Variants in MAGI2 observed in about 807,000 individuals in gnomAD.
MAGI2 encodes the protein membrane-associated guanylate kinase, WW and PDZ domain-containing protein 2.
Under a neutral mutation model 133.3 loss-of-function variants are expected in MAGI2, and 35 were observed. The observed-to-expected ratio is 0.26, with a 90% CI of 0.20 to 0.35. The LOEUF (loss-of-function observed/expected upper bound fraction) is 0.35, where lower values mean the gene tolerates loss of function less well. Ranked by LOEUF, MAGI2 falls within the 10% of genes least tolerant of loss-of-function variation. The pLI is 1.00. For synonymous variants in MAGI2, 729 were observed against 710.6 expected (o/e 1.03, Z -0.41); for missense variants, 1,636 against 1,863.4 (o/e 0.88, Z 2.25).
intron 3 of MAGI2, among the ~76,000 whole-genome samples, chr7:78,552,822 T>C (rs972229842): frequency 1.3e-5 from 2 of 152,084 alleles, no homozygotes; most frequent in Admixed American, 6.6e-5. Context: ...ATTCTGGGCA[T>C]TGCAAATACA....
At chr7:78,094,035 T>TA (rs1357976251) in intron 20 of MAGI2, among the ~76,000 whole-genome samples, 5 of 152,132 alleles carry the variant, frequency 3.3e-5, no homozygotes, top group Admixed American at 6.6e-5. Flanking sequence ...CATATATATA[T>TA]TTTTTCCATT....
chr7:78,275,734 A>G (rs1407028897), intron 9 of MAGI2, among the ~76,000 whole-genome samples: 1 of 152,210 alleles, frequency 6.6e-6, no homozygotes, highest in Non-Finnish European at 1.5e-5. Flanking sequence ...GAATTCTAAA[A>G]GGCAGAAGAA....
At chr7:78,228,161 T>A (rs1001300250) in intron 10 of MAGI2, among the ~76,000 whole-genome samples, 21 of 152,214 alleles carry the variant, frequency 1.4e-4, no homozygotes, top group African/African-American at 5.1e-4. Flanking sequence ...TTTAACATTT[T>A]AAGACATTTA....
intron 3 of MAGI2, among the ~76,000 whole-genome samples, chr7:78,604,917 G>A (rs951696649): frequency 6.6e-6 from 1 of 152,074 alleles, no homozygotes; most frequent in African/African-American, 2.4e-5. Flanking sequence ...TCTGAATGTT[G>A]TGTAATACCC....
At chr7:78,476,949 G>A (rs917388190) in intron 6 of MAGI2, among the ~76,000 whole-genome samples, 1 of 151,938 alleles carries the variant, frequency 6.6e-6, no homozygotes, top group East Asian at 2.0e-4. Context: ...ATGATGCATA[G>A]CATTTAGGAA....
At chr7:78,340,708 C>T (rs1414826473) in intron 9 of MAGI2, among the ~76,000 whole-genome samples, 2 of 152,172 alleles carry the variant, frequency 1.3e-5, no homozygotes, top group African/African-American at 4.8e-5. Flanking sequence ...ACAAAAACCA[C>T]ATGATTATCT....
intron 2 of MAGI2, among the ~76,000 whole-genome samples, chr7:78,748,274 T>C (rs898358627): frequency 6.6e-6 from 1 of 152,190 alleles, no homozygotes; most frequent in Non-Finnish European, 1.5e-5. Flanking sequence ...AGGGAGCCAT[T>C]TTTAGTTTGG....
chr7:78,056,626 T>C (rs996924523), intron 21 of MAGI2, among the ~76,000 whole-genome samples: 17 of 151,322 alleles, frequency 1.1e-4, no homozygotes, highest in African/African-American at 3.7e-4. Context: ...TGAGAACACA[T>C]GGACAAATTG....
At chr7:78,124,861 C>CTTTTTTTTTTTTTTT (rs10707820) in intron 20 of MAGI2, among the ~76,000 whole-genome samples, 1 of 137,430 alleles carries the variant, frequency 7.3e-6, no homozygotes. Flanking sequence ...TAGCTGCTGT[C>CTTTTTTTTTTTTTTT]TTTTTTTTTT....
intron 1 of MAGI2, among the ~76,000 whole-genome samples, chr7:79,150,106 A>AG (rs1191748780): frequency 1.3e-5 from 2 of 152,134 alleles, no homozygotes; most frequent in Non-Finnish European, 2.9e-5. Context: ...GGCAGGAGGA[A>AG]GGAATGCAGG....
intron 10 of MAGI2, among the ~76,000 whole-genome samples, chr7:78,202,770 T>G (rs982184743): frequency 2.6e-5 from 4 of 152,064 alleles, no homozygotes; most frequent in Non-Finnish European, 5.9e-5. Context: ...ACTTAATGTT[T>G]AGGGGTAATA....
chr7:78,256,631 G>A (rs1441828545), intron 9 of MAGI2, 50 bp from the exon 10 acceptor site: 2 of 1,445,094 alleles, frequency 1.4e-6, no homozygotes, highest in Non-Finnish European at 1.9e-6. Context: ...AATTAACATT[G>A]ACATAGAGAA....
At chr7:78,961,818 T>C (rs1033956734) in intron 2 of MAGI2, among the ~76,000 whole-genome samples, 3 of 151,968 alleles carry the variant, frequency 2.0e-5, no homozygotes, top group Non-Finnish European at 2.9e-5. Flanking sequence ...GTTGATACTG[T>C]CATTGTGCGA....
At chr7:78,863,525 A>T (rs957668124) in intron 2 of MAGI2, among the ~76,000 whole-genome samples, 1 of 152,174 alleles carries the variant, frequency 6.6e-6, no homozygotes, top group African/African-American at 2.4e-5. Context: ...CGAGGACAGC[A>T]CCCAGCTATT....
At chr7:79,176,995 G>A (rs537697115) in intron 1 of MAGI2, 16 of 152,064 alleles carry the variant, frequency 1.1e-4, no homozygotes, top group African/African-American at 3.9e-4. Flanking sequence ...AAATGATGCG[G>A]AATCAGAAAG....
chr7:79,313,936 G>GCCTC (rs1838498525), intron 1 of MAGI2, among the ~76,000 whole-genome samples: 1 of 151,688 alleles, frequency 6.6e-6, no homozygotes, highest in South Asian at 2.1e-4. Context: ...CTGAGTAGCT[G>GCCTC]AGACTACAGG....
chr7:78,694,523 C>T (rs1262509237), intron 2 of MAGI2, among the ~76,000 whole-genome samples: 1 of 152,158 alleles, frequency 6.6e-6, no homozygotes, highest in Non-Finnish European at 1.5e-5. Flanking sequence ...CATACACACT[C>T]ATACACAGAG....
At chr7:78,481,438 A>G (rs1343819130) in intron 6 of MAGI2, among the ~76,000 whole-genome samples, 2 of 151,942 alleles carry the variant, frequency 1.3e-5, no homozygotes, top group East Asian at 3.9e-4. Context: ...CTCTTGACAC[A>G]TGGGAATTAC....
chr7:78,501,341 T>C (rs1288696284), intron 5 of MAGI2, among the ~76,000 whole-genome samples: 5 of 152,174 alleles, frequency 3.3e-5, no homozygotes, highest in Non-Finnish European at 7.3e-5. Flanking sequence ...TTTTTAGTCA[T>C]AATTATAAGA....
Sources: gnomAD v4.1 joint callset for allele counts (sites outside exome capture counted in the v4.1 genomes callset) on GRCh38, gnomAD v4.1.1 for gene constraint, MANE v1.5 for transcripts, NCBI Gene and HGNC (gene_info 2026-07-23, HGNC 2026-07-21) for gene names.